PCDH9: variants seen among roughly 807,000 people sequenced by gnomAD.
PCDH9 encodes protocadherin 9, also known as protocadherin-9.
PCDH9 carries 24 observed loss-of-function variants against 70.6 expected under a neutral mutation model. That is an observed-to-expected ratio of 0.34 (90% CI 0.25 to 0.48). The LOEUF is 0.48. Ranked by LOEUF, PCDH9 falls within the 20% of genes least tolerant of loss-of-function variation. The pLI is 0.99. For synonymous variants in PCDH9, 562 were observed against 558.5 expected (o/e 1.01, Z -0.09); for missense variants, 1,281 against 1,503.6 (o/e 0.85, Z 2.45).
intron 2 of PCDH9, among the ~76,000 whole-genome samples, chr13:67,157,368 G>A (rs2087842377): frequency 6.6e-6 from 1 of 152,136 alleles, no homozygotes; most frequent in South Asian, 2.1e-4. Context: ...AAATTTGCAT[G>A]CCTTTAAGAC....
intron 4 of PCDH9, among the ~76,000 whole-genome samples, chr13:66,474,865 C>T (rs1275424340): frequency 6.6e-6 from 1 of 151,998 alleles, no homozygotes; most frequent in Admixed American, 6.6e-5. Context: ...GTCCTTAGTA[C>T]TAATGAATTC....
chr13:66,884,333 T>C (rs564914434), intron 3 of PCDH9, among the ~76,000 whole-genome samples: 1 of 152,298 alleles, frequency 6.6e-6, no homozygotes, highest in South Asian at 2.1e-4. Flanking sequence ...TGTATTCCCA[T>C]AGCATCTGCA....
chr13:67,209,983 T>A (rs889978949), intron 2 of PCDH9: 3 of 152,078 alleles, frequency 2.0e-5, no homozygotes, highest in Non-Finnish European at 4.4e-5. Flanking sequence ...CTTGTCCTGA[T>A]AACTAACATT....
intron 2 of PCDH9, among the ~76,000 whole-genome samples, chr13:66,943,096 A>C (rs528270724): frequency 1.3e-5 from 2 of 152,210 alleles, no homozygotes; most frequent in Admixed American, 6.5e-5. Flanking sequence ...TAGTAAACAT[A>C]GTTATTACAA....
At chr13:66,534,147 T>C (rs1300803379) in intron 4 of PCDH9, among the ~76,000 whole-genome samples, 1 of 152,112 alleles carries the variant, frequency 6.6e-6, no homozygotes, top group Non-Finnish European at 1.5e-5. Flanking sequence ...GATATAACAA[T>C]ATAACTTAGA....
intron 4 of PCDH9, among the ~76,000 whole-genome samples, chr13:66,556,156 A>T (rs145332043): frequency 6.6e-6 from 1 of 151,932 alleles, no homozygotes; most frequent in East Asian, 1.9e-4. Context: ...GGTGCCTGGT[A>T]CTGAATGCCA....
chr13:66,459,062 C>T (rs908526511), intron 4 of PCDH9, among the ~76,000 whole-genome samples: 5 of 151,860 alleles, frequency 3.3e-5, no homozygotes, highest in African/African-American at 4.8e-5. Flanking sequence ...AAATATGCTG[C>T]TTTTGAGTCT....
chr13:66,537,112 G>A (rs563632263), intron 4 of PCDH9, among the ~76,000 whole-genome samples: 20 of 152,102 alleles, frequency 1.3e-4, no homozygotes, highest in Non-Finnish European at 2.8e-4. Context: ...TAGCTATCAA[G>A]CATGTGTTTA....
Position 66,304,616 on chromosome 13 carries a change from A to T in PCDH9, c.*39T>A, listed in dbSNP as rs770125986. 1 of 1,547,214 alleles carries T rather than the reference A, an allele frequency of 6.5e-7. No individual in the cohort carries two copies. The highest frequency in any genetic ancestry group is 1.1e-5 in the South Asian group (1 of 88,280). The stretch of plus-strand genomic sequence containing the variant: ...AAGCTCTGACGCACACGGTATTAGC[A>T]TGTCTATTTAAAGTTATTAGGTCCC... On this transcript the variant is annotated 3_prime_UTR_variant, in exon 5 of 5. Coordinates refer to ENST00000377865, the MANE Select transcript of PCDH9 (RefSeq NM_203487.3).
chr13:66,317,186 G>A (rs1209860404), intron 4 of PCDH9, among the ~76,000 whole-genome samples: 1 of 151,904 alleles, frequency 6.6e-6, no homozygotes, highest in Admixed American at 6.6e-5. Flanking sequence ...TCTATGGCCT[G>A]GCACATTGCA....
intron 4 of PCDH9, among the ~76,000 whole-genome samples, chr13:66,314,729 T>G (rs1955620270): frequency 6.6e-6 from 1 of 152,196 alleles, no homozygotes; most frequent in Admixed American, 6.5e-5. Context: ...ATGACCTAGT[T>G]GCTCAATGCA....
intron 4 of PCDH9, among the ~76,000 whole-genome samples, chr13:66,628,285 T>C (rs564478519): frequency 6.6e-6 from 1 of 152,208 alleles, no homozygotes; most frequent in Non-Finnish European, 1.5e-5. Flanking sequence ...TCTTAGACTG[T>C]GTTAGGCTCT....
intron 4 of PCDH9, among the ~76,000 whole-genome samples, chr13:66,413,934 C>A (rs1957418167): frequency 6.6e-6 from 1 of 151,986 alleles, no homozygotes; most frequent in Non-Finnish European, 1.5e-5. Flanking sequence ...AGATTTTAAA[C>A]TGGTTCCTTT....
At chr13:66,508,342 G>T (rs1959283770) in intron 4 of PCDH9, among the ~76,000 whole-genome samples, 1 of 152,072 alleles carries the variant, frequency 6.6e-6, no homozygotes. Flanking sequence ...GGAGATGGTG[G>T]TTGCGCAACA....
chr13:66,591,366 T>C (rs1208801130), intron 4 of PCDH9, among the ~76,000 whole-genome samples: 1 of 151,456 alleles, frequency 6.6e-6, no homozygotes, highest in Non-Finnish European at 1.5e-5. Flanking sequence ...ATTTTTCTAA[T>C]ACTGCATTTA....
intron 4 of PCDH9, among the ~76,000 whole-genome samples, chr13:66,591,411 T>A (rs9540834): frequency 1.3e-5 from 2 of 150,262 alleles, no homozygotes; most frequent in Non-Finnish European, 3.0e-5. Flanking sequence ...TATAGCAGTA[T>A]GGAAAATAAA....
intron 3 of PCDH9, among the ~76,000 whole-genome samples, chr13:66,789,658 T>C (rs2080133374): frequency 6.6e-6 from 1 of 152,178 alleles, no homozygotes; most frequent in Admixed American, 6.6e-5. Flanking sequence ...GATTGCAACT[T>C]CCTCTCAGCA....
chr13:67,072,693 C>G (rs570990708), intron 2 of PCDH9, among the ~76,000 whole-genome samples: 1 of 150,470 alleles, frequency 6.6e-6, no homozygotes, highest in South Asian at 2.1e-4. Flanking sequence ...TGCTGAAACC[C>G]AAGAAGCAGA....
At chr13:66,885,601 G>A (rs2081991958) in intron 3 of PCDH9, among the ~76,000 whole-genome samples, 1 of 152,076 alleles carries the variant, frequency 6.6e-6, no homozygotes, top group African/African-American at 2.4e-5. Context: ...TTGGGATTAT[G>A]CATTTATATT....
Sources: gnomAD v4.1 joint callset for allele counts (sites outside exome capture counted in the v4.1 genomes callset) on GRCh38, gnomAD v4.1.1 for gene constraint, MANE v1.5 for transcripts, NCBI Gene and HGNC (gene_info 2026-07-23, HGNC 2026-07-21) for gene names.